The following PCDHGA9 variants were observed in gnomAD, a reference collection of about 807,000 sequenced individuals.
PCDHGA9 encodes protocadherin gamma-A9.
In PCDHGA9, 37 loss-of-function variants were observed where a neutral mutation model predicts 62.5. The observed-to-expected ratio is 0.59, with a 90% confidence interval of 0.46 to 0.78. The LOEUF is 0.78. Ranked by LOEUF, PCDHGA9 falls within the 30% of genes least tolerant of loss-of-function variation. PCDHGA9 has a pLI of 0.00. For synonymous variants in PCDHGA9, 459 were observed against 484.6 expected (o/e 0.95, Z 0.69); for missense variants, 1,138 against 1,166.2 (o/e 0.98, Z 0.35).
chr5:141,492,111 C>T (rs2154587044), intron 1 of PCDHGA9, among the ~76,000 whole-genome samples: 1 of 152,320 alleles, frequency 6.6e-6, no homozygotes, highest in South Asian at 2.1e-4. Context: ...ATTTCCTCTT[C>T]GATTTCTCCC....
At chr5:141,408,378 TG>T (rs780092463) in intron 1 of PCDHGA9, 2 of 1,614,002 alleles carry the variant, frequency 1.2e-6, no homozygotes, top group Admixed American at 1.7e-5. Flanking sequence ...CTCAGTGTCC[TG>T]GATGTGTCGG....
In PCDHGA9 at chr5:141,432,255, C is replaced by T. The variant is rs1561859576; in HGVS notation, c.2424+26879C>T. The T allele has an allele frequency of 6.2e-7, 1 of 1,614,246 alleles. No individual in the cohort carries two copies. The highest frequency in any genetic ancestry group is 8.5e-7 in the Non-Finnish European group (1 of 1,180,048). On this transcript the variant is annotated intron_variant, in intron 1 of 3. Transcript: ENST00000573521. This position sits in a 1 kb window ranked among gnomAD's most constrained non-coding sequence, Gnocchi z 6.0. The stretch of plus-strand genomic sequence containing the variant: ...CTGGCTGAGAACACCATCCAAGGGG[C>T]AAGCCTATCGTCCTACGTGTCCATC...
chr5:141,415,477 CGAAA>C (rs764359660), intron 1 of PCDHGA9: 56 of 1,614,066 alleles, frequency 3.5e-5, no homozygotes, highest in Middle Eastern at 3.3e-4. Context: ...CGCGGACTCG[CGAAA>C]GAGTCACCTG....
At chr5:141,457,356 C>G (rs2098917888) in intron 1 of PCDHGA9, among the ~76,000 whole-genome samples, 1 of 152,170 alleles carries the variant, frequency 6.6e-6, no homozygotes, top group South Asian at 2.1e-4. Context: ...TTACCTGGCA[C>G]AATTTGCAAA....
Position 141,486,335 on chromosome 5 carries a change from C to T in PCDHGA9, c.2425-8472C>T, listed in dbSNP as rs762408704. ...AGGGTCAAACGGAGATGTGAGCCTC[C>T]GCATTCCTGACCACTTGCCATTTGC... On this transcript the variant is annotated intron_variant, in intron 1 of 3. Transcript: ENST00000573521. The surrounding 1 kb of genome is among the most constrained non-coding windows in gnomAD (Gnocchi z 5.0). 6.2e-6 allele frequency: 10 copies of T among 1,613,936 alleles called. No individual in the cohort carries two copies. Among genetic ancestry groups the T allele is most frequent in the Middle Eastern group, 1.6e-4 (1 of 6,082 alleles).
intron 1 of PCDHGA9, chr5:141,427,774 G>T: frequency 1.4e-6 from 2 of 1,420,908 alleles, no homozygotes; most frequent in Non-Finnish European, 2.0e-6. Context: ...TTGGAGCTGC[G>T]GGCACTGTCG....
At chr5:141,474,607 A>C (rs1334447439) in intron 1 of PCDHGA9, among the ~76,000 whole-genome samples, 1 of 152,238 alleles carries the variant, frequency 6.6e-6, no homozygotes, top group Non-Finnish European at 1.5e-5. Context: ...TAGGTCACAT[A>C]TGGCTTTTCA....
Position 141,475,033 on chromosome 5 carries a change from A to G in PCDHGA9, c.2425-19774A>G, listed in dbSNP as rs1223709259. 2.0e-5 allele frequency among the ~76,000 whole-genome samples: 3 copies of G among 152,362 alleles called. No individual in the cohort carries two copies. In the East Asian group the frequency reaches 5.8e-4, roughly 29 times the overall value. ...TTAAGGCTCTTTATTCTGTGACTAA[A>G]GGCTTTGTATTTTCTAAAGATTTGT... is the stretch of plus-strand genomic sequence containing the variant. On this transcript the variant is annotated intron_variant, in intron 1 of 3. Transcript: ENST00000573521.
chr5:141,505,634 A>T, intron 3 of PCDHGA9, 153 bp downstream of exon 3: 6 of 971,426 alleles, frequency 6.2e-6, no homozygotes, highest in Non-Finnish European at 7.3e-6. Context: ...CCAAACATAA[A>T]GCCTGGAATT....
intron 1 of PCDHGA9, among the ~76,000 whole-genome samples, chr5:141,479,878 A>G (rs1033313584): frequency 2.0e-5 from 3 of 152,170 alleles, no homozygotes; most frequent in African/African-American, 7.2e-5. Context: ...AGAACCCTAT[A>G]CATACTCTCA....
At chr5:141,437,668 G>A (rs72790049) in intron 1 of PCDHGA9, among the ~76,000 whole-genome samples, 16,651 of 151,822 alleles carry the variant, frequency 0.11, 1,007 homozygotes, top group African/African-American at 0.17. Context: ...TCGAAGAGAT[G>A]TTGATCAAAC....
In PCDHGA9 at chr5:141,404,909, CCT is replaced by C. The variant is rs1243432357; in HGVS notation, c.1963_1964del (p.Ser655GlyfsTer11). 6.2e-7 allele frequency: 1 copy of C among 1,613,798 alleles called. No homozygotes were observed. The highest frequency in any genetic ancestry group is 1.7e-5 in the Admixed American group (1 of 59,998). ...VVAVQDHGQP[P>X]LSATVTLTVA... is the part of the protein sequence containing the mutation. ...GGCTGTACAGGACCATGGCCAGCCC[CCT>C]CTCTCGGCCACTGTCACGCTCACAG... is the stretch of plus-strand genomic sequence containing the variant. On this transcript the variant is annotated frameshift_variant, in exon 1 of 4. Transcript: ENST00000573521. LOFTEE classifies it high-confidence loss of function.
chr5:141,420,229 C>A (rs1206296211), intron 1 of PCDHGA9: 1 of 1,600,344 alleles, frequency 6.2e-7, no homozygotes, highest in South Asian at 1.1e-5. Flanking sequence ...TACTGGCTAG[C>A]ATTTTAACTC....
chr5:141,467,162 C>T (rs765574629), intron 1 of PCDHGA9, among the ~76,000 whole-genome samples: 1 of 151,724 alleles, frequency 6.6e-6, no homozygotes, highest in Non-Finnish European at 1.5e-5. Flanking sequence ...AAGTGATTCT[C>T]ATCTCTCAGC....
chr5:141,500,433 T>A (rs1398344932), intron 2 of PCDHGA9, among the ~76,000 whole-genome samples: 17 of 151,882 alleles, frequency 1.1e-4, no homozygotes, highest in East Asian at 7.8e-4. Flanking sequence ...ATGGTCTCGA[T>A]CTCCTGACCT....
rs372245447 is a variant in PCDHGA9, at chr5:141,489,609, C to T, written c.2425-5198C>T. ...AGCTAATCCGTGTAGAGGTAGAGAT[C>T]CTGGATCTCAATGACAACTCTCCTA... On this transcript the variant is annotated intron_variant, in intron 1 of 3. Coordinates refer to ENST00000573521, the MANE Select transcript of PCDHGA9 (RefSeq NM_018921.3). This position sits in a 1 kb window ranked among gnomAD's most constrained non-coding sequence, Gnocchi z 4.5. The T allele has an allele frequency of 1.9e-6, 3 of 1,613,934 alleles. No homozygotes were observed. The African/African-American group carries it at 4.0e-5, about 22-fold the overall frequency.
rs754055876 is a variant in PCDHGA9 at position 141,404,833 on chromosome 5, C to G, written c.1881C>G (p.Arg627=). 6.2e-7 allele frequency: 1 copy of G among 1,613,844 alleles called. No homozygotes were observed. The highest frequency in any genetic ancestry group is 1.7e-5 in the Admixed American group (1 of 60,000). ...TGGGGCTGCACACAGGTGAAGTGCG[C>G]ACAGCTCGGGCCCTGCTAGATAGAG... ...FSVGLHTGEV[R]TARALLDRDA... Residue 627 remains arginine (R), a synonymous_variant, in exon 1 of 4, where the codon CGC becomes CGG. Coordinates refer to ENST00000573521, the MANE Select transcript of PCDHGA9 (RefSeq NM_018921.3).
intron 2 of PCDHGA9, among the ~76,000 whole-genome samples, chr5:141,498,967 G>A (rs896386012): frequency 1.5e-5 from 2 of 129,584 alleles, no homozygotes. Context: ...GAGGGAGGGA[G>A]GGAGGGAAGG....
At chr5:141,496,869 A>G (rs2099772006) in intron 2 of PCDHGA9, among the ~76,000 whole-genome samples, 1 of 150,116 alleles carries the variant, frequency 6.7e-6, no homozygotes, top group African/African-American at 2.5e-5. Context: ...GAGACTGAAA[A>G]TTTGCAACAA....
Sources: allele counts gnomAD v4.1 joint callset (sites outside exome capture counted in the v4.1 genomes callset), GRCh38; gene constraint gnomAD v4.1.1; non-coding constraint Gnocchi (gnomAD v3.1); transcripts MANE v1.5; gene names NCBI Gene and HGNC (gene_info 2026-07-23, HGNC 2026-07-21).